Variants in JAK1 observed in about 807,000 individuals in gnomAD.
JAK1 encodes the protein Janus kinase 1.
In JAK1, 16 loss-of-function variants were observed where a neutral mutation model predicts 136.6. That is an observed-to-expected ratio of 0.12 (90% confidence interval 0.08 to 0.18). The LOEUF (loss-of-function observed/expected upper bound fraction) is 0.18, where lower values mean the gene tolerates loss of function less well. Among genes scored for constraint, JAK1 ranks in the 10% least tolerant of loss-of-function variants. The pLI is 1.00. For missense variants in JAK1, 859 were observed against 1,450.1 expected, an observed-to-expected ratio of 0.59 and a Z score of 6.62; for synonymous variants, 492 against 519.5, an observed-to-expected ratio of 0.95 and a Z score of 0.72.
chr1:64,921,674 A>T (rs1019252844), intron 1 of JAK1, among the ~76,000 whole-genome samples: 1 of 152,110 alleles, frequency 6.6e-6, no homozygotes, highest in Non-Finnish European at 1.5e-5. Flanking sequence ...TAACCTAGGG[A>T]TAAGAAAATA....
chr1:64,938,188 G>A (rs1351693844), intron 1 of JAK1, among the ~76,000 whole-genome samples: 1 of 151,204 alleles, frequency 6.6e-6, no homozygotes, highest in Non-Finnish European at 1.5e-5. Flanking sequence ...GTAATTTCAT[G>A]GCTGAAAAAA....
At chr1:64,871,434 C>T (rs769630847) in intron 5 of JAK1, among the ~76,000 whole-genome samples, 8 of 152,162 alleles carry the variant, frequency 5.3e-5, no homozygotes, top group Non-Finnish European at 7.3e-5. Context: ...TGTCCAGGAA[C>T]GGGTGACTAA....
intron 1 of JAK1, among the ~76,000 whole-genome samples, chr1:65,045,155 G>T (rs1647173021): frequency 6.6e-6 from 1 of 152,200 alleles, no homozygotes; most frequent in Non-Finnish European, 1.5e-5. Flanking sequence ...CTTGTATTGG[G>T]TCATACAGCT....
At chr1:64,920,224 T>G (rs1391921627) in intron 1 of JAK1, among the ~76,000 whole-genome samples, 1 of 152,192 alleles carries the variant, frequency 6.6e-6, no homozygotes, top group Non-Finnish European at 1.5e-5. Context: ...AAAAGTGGCT[T>G]ACACAAAATG....
chr1:64,940,398 C>A (rs904748449), intron 1 of JAK1, among the ~76,000 whole-genome samples: 1 of 150,064 alleles, frequency 6.7e-6, no homozygotes, highest in East Asian at 2.0e-4. Context: ...CTCACTGCAA[C>A]CTCTGCCTCT....
At chr1:64,915,532 T>C (rs563010676) in intron 1 of JAK1, among the ~76,000 whole-genome samples, 1 of 152,200 alleles carries the variant, frequency 6.6e-6, no homozygotes, top group Non-Finnish European at 1.5e-5. Flanking sequence ...GCCACTCCTC[T>C]GCCCCAGCAA....
At chr1:64,960,434 C>CA in intron 1 of JAK1, among the ~76,000 whole-genome samples, 1 of 125,474 alleles carries the variant, frequency 8.0e-6, no homozygotes. Context: ...CCAGAGCCTC[C>CA]AAAAACAGAC....
chr1:64,967,571 C>T (rs1646407747), upstream of JAK1, among the ~76,000 whole-genome samples: 8 of 152,208 alleles, frequency 5.3e-5, no homozygotes, highest in Admixed American at 5.2e-4. Flanking sequence ...AGAGGCTGCC[C>T]CACCTGTGCT....
intron 5 of JAK1, among the ~76,000 whole-genome samples, chr1:64,870,349 T>C (rs923652803): frequency 6.6e-6 from 1 of 152,192 alleles, no homozygotes; most frequent in Non-Finnish European, 1.5e-5. Context: ...GGCTAGATGT[T>C]ATTCTAGGTG....
chr1:64,932,016 C>G (rs1325275629), intron 1 of JAK1, among the ~76,000 whole-genome samples: 3 of 152,046 alleles, frequency 2.0e-5, no homozygotes, highest in Non-Finnish European at 4.4e-5. Flanking sequence ...ATAATACCTA[C>G]ACTTTAGACT....
chr1:64,971,916 C>T (rs10889515), intron 2 of JAK1, among the ~76,000 whole-genome samples: 37,039 of 152,082 alleles, frequency 0.24, 6,299 homozygotes, highest in African/African-American at 0.47. Flanking sequence ...TAAAAAACTA[C>T]ACTTGAAGAA....
chr1:64,906,012 T>C (rs1367323828), intron 1 of JAK1, among the ~76,000 whole-genome samples: 3 of 152,258 alleles, frequency 2.0e-5, no homozygotes, highest in African/African-American at 7.2e-5. Context: ...AATGTCCAAA[T>C]TTCTATCTCA....
chr1:64,939,175 C>A (rs754522892), intron 1 of JAK1, among the ~76,000 whole-genome samples: 30 of 152,198 alleles, frequency 2.0e-4, no homozygotes, highest in Middle Eastern at 3.2e-3. Flanking sequence ...GCCCCCAGGG[C>A]ACACTTTTCT....
intron 2 of JAK1, among the ~76,000 whole-genome samples, chr1:65,036,263 TC>T (rs1487583563): frequency 1.3e-5 from 2 of 151,934 alleles, no homozygotes; most frequent in Non-Finnish European, 2.9e-5. Flanking sequence ...TGAAACCCCA[TC>T]CCTACAAAAA....
chr1:64,969,701 A>G (rs1239397168), upstream of JAK1, among the ~76,000 whole-genome samples: 1 of 152,202 alleles, frequency 6.6e-6, no homozygotes. Flanking sequence ...AGATGTGGCT[A>G]CTGAGGCAGA....
chr1:64,957,614 T>A (rs369952642), intron 1 of JAK1, among the ~76,000 whole-genome samples: 85 of 151,818 alleles, frequency 5.6e-4, no homozygotes, highest in Admixed American at 1.5e-3. Flanking sequence ...ATCGAGACCA[T>A]CCTGGCTAAC....
intron 1 of JAK1, among the ~76,000 whole-genome samples, chr1:64,944,334 A>C (rs1645945007): frequency 6.6e-6 from 1 of 152,048 alleles, no homozygotes; most frequent in Non-Finnish European, 1.5e-5. Flanking sequence ...AAAAATTATT[A>C]TATCCACAAA....
chr1:64,836,053 T>C (rs939060384), intron 23 of JAK1, 45 bp downstream of exon 23: 2 of 1,073,202 alleles, frequency 1.9e-6, no homozygotes, highest in African/African-American at 3.1e-5. Context: ...ATGGACACAT[T>C]TTAAATGGGT....
intron 2 of JAK1, among the ~76,000 whole-genome samples, chr1:65,014,834 G>A (rs990914297): frequency 1.5e-4 from 23 of 151,848 alleles, no homozygotes; most frequent in East Asian, 3.9e-4. Context: ...ACAGGCGCCC[G>A]CCACCACGCC....
Sources: allele counts gnomAD v4.1 joint callset (sites outside exome capture counted in the v4.1 genomes callset), GRCh38; gene constraint gnomAD v4.1.1; transcripts MANE v1.5; gene names NCBI Gene and HGNC (gene_info 2026-07-23, HGNC 2026-07-21).